REC114: variants seen among roughly 807,000 people sequenced by gnomAD.
REC114 encodes the protein REC114 meiotic recombination protein, also known as meiotic recombination protein REC114.
A neutral mutation model predicts 31.3 loss-of-function variants in REC114; 27 were observed. The observed-to-expected ratio is 0.86, with a 90% CI of 0.64 to 1.19. The LOEUF (loss-of-function observed/expected upper bound fraction) is 1.19, where lower values mean the gene tolerates loss of function less well. REC114 is among the 50% of genes most tolerant of loss of function. The probability of loss-of-function intolerance (pLI) is 0.00; values close to 1 mark genes in which losing one functional copy is unlikely to be tolerated. For missense variants in REC114, 344 were observed against 326.9 expected (o/e 1.05, Z -0.40); for synonymous variants, 134 against 127.7 (o/e 1.05, Z -0.33).
chr15:73,477,241 C>T (rs927571308), intron 2 of REC114, among the ~76,000 whole-genome samples: 5 of 152,144 alleles, frequency 3.3e-5, no homozygotes, highest in Non-Finnish European at 4.4e-5. Context: ...ACTCTGGTTA[C>T]AACTCTTTTA....
In REC114 at chr15:73,550,919, C is replaced by A; in HGVS notation, c.334-19C>A. The A allele has an allele frequency of 1.2e-6, 2 of 1,612,216 alleles. No individual in the cohort carries two copies. The highest frequency in any genetic ancestry group is 1.7e-6 in the Non-Finnish European group (2 of 1,178,446). On this transcript the variant is annotated intron_variant, in intron 3 of 5. Coordinates refer to ENST00000331090, the MANE Select transcript of REC114 (RefSeq NM_001042367.2). Reference sequence around the variant, plus strand: ...ATATGATGAGGGTCTCTCATGATAACTTTTGATTTGTCAAACAGGACAAGA... The same window carrying A: ...ATATGATGAGGGTCTCTCATGATAAATTTTGATTTGTCAAACAGGACAAGA...
intron 4 of REC114, among the ~76,000 whole-genome samples, chr15:73,553,035 G>A (rs989485771): frequency 2.0e-5 from 3 of 151,998 alleles, no homozygotes; most frequent in Non-Finnish European, 4.4e-5. Flanking sequence ...AGCTGGTCTC[G>A]AACTCCTGAC....
intron 2 of REC114, among the ~76,000 whole-genome samples, chr15:73,507,239 C>G (rs1052805154): frequency 2.6e-5 from 4 of 152,128 alleles, no homozygotes; most frequent in Non-Finnish European, 5.9e-5. Flanking sequence ...AAAAATATAT[C>G]ACATATACAT....
intron 2 of REC114, among the ~76,000 whole-genome samples, chr15:73,494,491 C>CA (rs769659178): frequency 0.1 from 8,528 of 84,064 alleles, 460 homozygotes; most frequent in African/African-American, 0.21. Flanking sequence ...GACCCTGTCT[C>CA]AAAAAAAAAA....
intron 2 of REC114, among the ~76,000 whole-genome samples, chr15:73,490,680 G>T (rs1475785908): frequency 1.3e-5 from 2 of 152,162 alleles, no homozygotes; most frequent in Non-Finnish European, 2.9e-5. Flanking sequence ...GAGCAACAGA[G>T]CAAGACCTTG....
intron 2 of REC114, among the ~76,000 whole-genome samples, chr15:73,529,760 A>G (rs1566946104): frequency 6.6e-6 from 1 of 152,202 alleles, no homozygotes; most frequent in African/African-American, 2.4e-5. Flanking sequence ...CTGTAGAATC[A>G]TGGAACTTAC....
At chr15:73,521,741 A>G (rs1893938127) in intron 2 of REC114, among the ~76,000 whole-genome samples, 1 of 152,202 alleles carries the variant, frequency 6.6e-6, no homozygotes, top group South Asian at 2.1e-4. Flanking sequence ...CTTGAAAAAT[A>G]CAACTTACCA....
chr15:73,480,647 C>T (rs1049057215), intron 2 of REC114, among the ~76,000 whole-genome samples: 2 of 152,134 alleles, frequency 1.3e-5, no homozygotes, highest in Non-Finnish European at 2.9e-5. Context: ...TACACACCCT[C>T]TCCTTTCATA....
intron 1 of REC114, among the ~76,000 whole-genome samples, chr15:73,443,718 T>C (rs1892729301): frequency 6.6e-6 from 1 of 152,188 alleles, no homozygotes; most frequent in African/African-American, 2.4e-5. Flanking sequence ...GGATATACTA[T>C]TTATCCAAAT....
intron 4 of REC114, among the ~76,000 whole-genome samples, chr15:73,552,118 T>C (rs937198529): frequency 1.1e-4 from 17 of 152,234 alleles, no homozygotes; most frequent in Non-Finnish European, 2.1e-4. Flanking sequence ...GATTGTAATA[T>C]AACAGTATAA....
chr15:73,555,177 T>A (rs1894447319), intron 4 of REC114, among the ~76,000 whole-genome samples: 1 of 152,190 alleles, frequency 6.6e-6, no homozygotes, highest in South Asian at 2.1e-4. Context: ...AAGACAGAAT[T>A]TGGCATCTCC....
intron 2 of REC114, among the ~76,000 whole-genome samples, chr15:73,510,946 T>A (rs972881728): frequency 6.6e-6 from 1 of 152,244 alleles, no homozygotes; most frequent in Non-Finnish European, 1.5e-5. Flanking sequence ...ATCAGGATGA[T>A]GCTGGCTTCA....
intron 2 of REC114, among the ~76,000 whole-genome samples, chr15:73,517,792 A>G (rs574780172): frequency 3.7e-4 from 57 of 152,338 alleles, no homozygotes; most frequent in Non-Finnish European, 7.6e-4. Context: ...TGCTAGAGAT[A>G]TGATTTGGGA....
At chr15:73,468,214 A>G (rs1189177215) in intron 1 of REC114, among the ~76,000 whole-genome samples, 1 of 152,206 alleles carries the variant, frequency 6.6e-6, no homozygotes, top group African/African-American at 2.4e-5. Flanking sequence ...TTTTAATAAT[A>G]TTAAATCTTC....
chr15:73,524,452 C>T (rs117970921), intron 2 of REC114, among the ~76,000 whole-genome samples: 2 of 152,266 alleles, frequency 1.3e-5, no homozygotes, highest in South Asian at 4.1e-4. Flanking sequence ...ATTAACAGTA[C>T]AAACAATAGT....
chr15:73,472,551 G>A (rs769857903), intron 1 of REC114, among the ~76,000 whole-genome samples: 1 of 152,090 alleles, frequency 6.6e-6, no homozygotes, highest in Non-Finnish European at 1.5e-5. Context: ...GTTGAATTAG[G>A]TATGTGTTAA....
At chr15:73,556,425 A>G in intron 5 of REC114, 34 bp downstream of exon 5, 1 of 1,571,148 alleles carries the variant, frequency 6.4e-7, no homozygotes, top group Non-Finnish European at 8.7e-7. Context: ...TTTTCTTGTC[A>G]TGAGAAGCAG....
chr15:73,480,880 G>A (rs1338342128), intron 2 of REC114, among the ~76,000 whole-genome samples: 3 of 152,112 alleles, frequency 2.0e-5, no homozygotes, highest in Non-Finnish European at 4.4e-5. Context: ...GTTTCACCAT[G>A]TTGGCCAGGC....
intron 2 of REC114, among the ~76,000 whole-genome samples, chr15:73,538,295 C>A (rs922509747): frequency 1.3e-5 from 2 of 152,066 alleles, no homozygotes; most frequent in African/African-American, 4.8e-5. Flanking sequence ...CAAACTGTCT[C>A]ATTAATGTTT....
Sources: allele counts gnomAD v4.1 joint callset (sites outside exome capture counted in the v4.1 genomes callset), GRCh38; gene constraint gnomAD v4.1.1; transcripts MANE v1.5; gene names NCBI Gene and HGNC (gene_info 2026-07-23, HGNC 2026-07-21).